The following DNAJC12 variants were observed in gnomAD, a reference collection of about 807,000 sequenced individuals.
DNAJC12 encodes the protein DnaJ heat shock protein family (Hsp40) member C12.
A neutral mutation model predicts 28.5 loss-of-function variants in DNAJC12; 25 were observed. The ratio of observed to expected loss-of-function variants is 0.88; its 90% CI spans 0.64 to 1.22. The LOEUF is 1.22. Ranked by LOEUF, DNAJC12 falls within the 50% of genes most tolerant of loss-of-function variation. The pLI is 0.00. For missense variants in DNAJC12, 222 were observed against 231.7 expected, an observed-to-expected ratio of 0.96 and a Z score of 0.27; for synonymous variants, 77 against 80.6, an observed-to-expected ratio of 0.95 and a Z score of 0.24.
At chr10:67,831,715 A>G (rs1842095122) in intron 1 of DNAJC12, among the ~76,000 whole-genome samples, 2 of 152,200 alleles carry the variant, frequency 1.3e-5, no homozygotes, top group African/African-American at 4.8e-5. Context: ...TGGCTCCTCA[A>G]TTGGATACCA....
intron 1 of DNAJC12, among the ~76,000 whole-genome samples, chr10:67,826,236 G>A (rs1344104932): frequency 3.3e-5 from 5 of 150,774 alleles, no homozygotes; most frequent in Non-Finnish European, 5.9e-5. Context: ...CTGGGCTCAA[G>A]CAATCCTCCC....
chr10:67,814,344 A>G (rs1445217545), intron 2 of DNAJC12, among the ~76,000 whole-genome samples: 1 of 152,186 alleles, frequency 6.6e-6, no homozygotes, highest in East Asian at 1.9e-4. Context: ...ACCTTAAGCT[A>G]TAAACAAATA....
intron 1 of DNAJC12, among the ~76,000 whole-genome samples, chr10:67,824,890 C>T (rs1048517565): frequency 1.3e-5 from 2 of 151,986 alleles, no homozygotes; most frequent in Non-Finnish European, 2.9e-5. Flanking sequence ...CCCACCACCA[C>T]GCCTGGCTAA....
intron 1 of DNAJC12, among the ~76,000 whole-genome samples, chr10:67,830,085 G>A (rs937166695): frequency 8.5e-5 from 13 of 152,048 alleles, no homozygotes; most frequent in East Asian, 1.9e-4. Flanking sequence ...ATGCTGAGGC[G>A]GGCAGATCAC....
At chr10:67,822,873 T>C (rs983411540) in intron 2 of DNAJC12, among the ~76,000 whole-genome samples, 33 of 151,800 alleles carry the variant, frequency 2.2e-4, no homozygotes, top group Admixed American at 1.1e-3. Flanking sequence ...TGCACGCCTG[T>C]AGTCCCAGCT....
chr10:67,836,403 A>G (rs1392431447), intron 1 of DNAJC12, among the ~76,000 whole-genome samples: 2 of 152,152 alleles, frequency 1.3e-5, no homozygotes, highest in African/African-American at 4.8e-5. Flanking sequence ...ATAGGTCACA[A>G]GATTATGGAG....
chr10:67,832,262 T>C (rs1842101854), intron 1 of DNAJC12, among the ~76,000 whole-genome samples: 2 of 134,584 alleles, frequency 1.5e-5, no homozygotes, highest in Non-Finnish European at 3.1e-5. Context: ...TGAAACTCCA[T>C]CTCAAAAAAA....
chr10:67,826,409 CG>C (rs2131810481), intron 1 of DNAJC12, among the ~76,000 whole-genome samples: 2 of 150,300 alleles, frequency 1.3e-5, no homozygotes, highest in South Asian at 4.2e-4. Context: ...GCTGAGCTTA[CG>C]GGCATGAGTC....
chr10:67,825,081 A>T (rs1292727585), intron 1 of DNAJC12, among the ~76,000 whole-genome samples: 1 of 152,146 alleles, frequency 6.6e-6, no homozygotes, highest in East Asian at 1.9e-4. Flanking sequence ...GCTTTAGGCA[A>T]ATTACATAAC....
At chr10:67,800,037 C>T (rs1841724840) in intron 4 of DNAJC12, among the ~76,000 whole-genome samples, 1 of 151,822 alleles carries the variant, frequency 6.6e-6, no homozygotes, top group Non-Finnish European at 1.5e-5. Flanking sequence ...TTGAGACCAG[C>T]CTGGGCAACA....
chr10:67,815,527 A>AT (rs397954048), intron 2 of DNAJC12, among the ~76,000 whole-genome samples: 1 of 149,790 alleles, frequency 6.7e-6, no homozygotes, highest in Non-Finnish European at 1.5e-5. Context: ...AAAAAAAAAA[A>AT]GAAAAGAAAA....
intron 1 of DNAJC12, among the ~76,000 whole-genome samples, chr10:67,832,885 A>T (rs1842107495): frequency 6.6e-6 from 1 of 152,202 alleles, no homozygotes; most frequent in South Asian, 2.1e-4. Flanking sequence ...TCAATAAAGC[A>T]CATCCATTTC....
intron 1 of DNAJC12, among the ~76,000 whole-genome samples, chr10:67,836,960 T>C (rs558705238): frequency 1.3e-5 from 2 of 150,058 alleles, no homozygotes; most frequent in South Asian, 2.1e-4. Flanking sequence ...TTTAATAATA[T>C]ATAATTTAAT....
intron 2 of DNAJC12, among the ~76,000 whole-genome samples, chr10:67,818,711 C>T (rs1020631078): frequency 2.6e-5 from 4 of 151,736 alleles, no homozygotes; most frequent in African/African-American, 9.7e-5. Context: ...GGCTGGAGTG[C>T]AGTGGCGCGA....
chr10:67,826,167 C>CTCTG (rs1842027521), intron 1 of DNAJC12, among the ~76,000 whole-genome samples: 1 of 147,966 alleles, frequency 6.8e-6, no homozygotes, highest in Non-Finnish European at 1.5e-5. Context: ...CAGCTTCTTG[C>CTCTG]TCTGTCACCC....
chr10:67,797,854 C>A (rs963033138), intron 4 of DNAJC12, among the ~76,000 whole-genome samples: 5 of 151,966 alleles, frequency 3.3e-5, no homozygotes, highest in Admixed American at 2.0e-4. Context: ...TCCTGGCTAA[C>A]ACGGTGAAAC....
rs1841713088 is a variant in DNAJC12, at chr10:67,799,228, A to C, written c.503-2018T>G. ...TTCCATTGATATTTTAATATAGTAT[A>C]TAAATATGTAGTCAGAAAAAGCATA... On this transcript the variant is annotated intron_variant, in intron 4 of 4. Transcript: ENST00000225171. Among the ~76,000 whole-genome samples the C allele has an allele frequency of 2.0e-5, 3 of 152,330 alleles. No individual in the cohort carries two copies. In the South Asian group the frequency reaches 6.2e-4, roughly 32 times the overall value.
Position 67,796,974 on chromosome 10 carries a change from T to C in DNAJC12, c.*142A>G, listed in dbSNP as rs41299238. On this transcript the variant is annotated 3_prime_UTR_variant, in exon 5 of 5. Transcript: ENST00000225171. ...ATTTAAAAAGCATTATGAGAACTGA[T>C]TCAAGGATGGAGGAATCAATTAGTA... 24,423 of 543,888 alleles carry C rather than the reference T, an allele frequency of 0.045. 676 individuals carry two copies. The highest frequency in any genetic ancestry group is 0.094 in the Middle Eastern group (312 of 3,326). 33.7% of individuals were successfully genotyped at this position (543,888 alleles called of 1,614,324 possible). A position where few individuals can be genotyped will look rare whatever the true frequency, so the allele number is the denominator to read the frequency against.
At chr10:67,810,852 T>C (rs1196306523) in intron 3 of DNAJC12, 1 of 152,226 alleles carries the variant, frequency 6.6e-6, no homozygotes, top group Non-Finnish European at 1.5e-5. Flanking sequence ...ATAAGTCCCA[T>C]GTCATAGAAA....
Sources: allele counts gnomAD v4.1 joint callset (sites outside exome capture counted in the v4.1 genomes callset), GRCh38; gene constraint gnomAD v4.1.1; transcripts MANE v1.5; gene names NCBI Gene and HGNC (gene_info 2026-07-23, HGNC 2026-07-21).